The following ERBB4 variants were observed in gnomAD, a reference collection of about 807,000 sequenced individuals.
The protein encoded by ERBB4 is erb-b2 receptor tyrosine kinase 4, also known as receptor tyrosine-protein kinase erbB-4.
ERBB4 carries 42 observed loss-of-function variants against 158.0 expected under a neutral mutation model. The observed-to-expected ratio is 0.27, with a 90% CI of 0.21 to 0.34. The LOEUF (loss-of-function observed/expected upper bound fraction) is 0.34. Among genes scored for constraint, ERBB4 ranks in the 10% least tolerant of loss-of-function variants. The pLI, the probability that ERBB4 is intolerant of heterozygous loss-of-function variation, is 1.00. For synonymous variants in ERBB4, 583 were observed against 558.7 expected (o/e 1.04, Z -0.61); for missense variants, 1,333 against 1,624.1 (o/e 0.82, Z 3.08).
chr2:212,013,987 T>C lies in ERBB4; in HGVS notation c.235-66371A>G, dbSNP rs1281388809. On this transcript the variant is annotated intron_variant, in intron 2 of 27. Transcript: ENST00000342788. ...GCTAACACAGCAACTAAACAAGATA[T>C]TGAATGTGGGGAACAGCATTTTCTT... Among the ~76,000 whole-genome samples, 3 of 152,222 alleles carry C rather than the reference T, an allele frequency of 2.0e-5. No individual in the cohort carries two copies. The East Asian group carries it at 5.8e-4, about 29-fold the overall frequency.
chr2:211,433,182 A>G (rs898695145), intron 20 of ERBB4, among the ~76,000 whole-genome samples: 2 of 152,230 alleles, frequency 1.3e-5, no homozygotes, highest in Admixed American at 6.5e-5. Context: ...ACTGAAAACA[A>G]AAGAAGAGGC....
intron 20 of ERBB4, among the ~76,000 whole-genome samples, chr2:211,530,602 T>C (rs1172988508): frequency 1.3e-5 from 2 of 152,082 alleles, no homozygotes; most frequent in Non-Finnish European, 2.9e-5. Context: ...CAACTTACAC[T>C]ACCAAGGCCA....
At chr2:211,386,777 T>C in intron 27 of ERBB4, 76 bp downstream of exon 27, 1 of 1,495,938 alleles carries the variant, frequency 6.7e-7, no homozygotes, top group Non-Finnish European at 9.3e-7. Context: ...TATCTGGCAA[T>C]TTCTATTCTG....
intron 1 of ERBB4, among the ~76,000 whole-genome samples, chr2:212,538,023 G>C (rs758183370): frequency 1.4e-4 from 22 of 152,156 alleles, no homozygotes; most frequent in Non-Finnish European, 2.4e-4. Context: ...GGCTCGGCTC[G>C]GGAGAGGCCC....
rs376463638 is a variant in ERBB4, at chr2:211,580,837, T to TAATA, written c.2302-18750_2302-18749insTATT. 1.3e-4 allele frequency among the ~76,000 whole-genome samples: 9 copies of TAATA among 69,312 alleles called. 1 individual carries two copies. The highest frequency in any genetic ancestry group is 1.8e-4 in the Non-Finnish European group (7 of 38,660). The allele number at this position is 69,312 out of a possible 152,430, so 45.5% of individuals were successfully genotyped here. A position where few individuals can be genotyped will look rare whatever the true frequency, so the allele number is the denominator to read the frequency against. ...AATATATATATATTATATATATAGATTATATATTATATATATAGTATGCAT... is the reference window on the plus strand; with the variant it reads ...AATATATATATATTATATATATAGATAATATATATATTATATATATAGTATGCAT... On this transcript the variant is annotated intron_variant, in intron 19 of 27. Transcript: ENST00000342788.
At chr2:212,407,043 G>A (rs773215268) in intron 1 of ERBB4, among the ~76,000 whole-genome samples, 18 of 151,820 alleles carry the variant, frequency 1.2e-4, no homozygotes, top group East Asian at 5.8e-4. Context: ...AGCCTTTCCC[G>A]AACCCCACTG....
At chr2:212,446,225 T>G (rs1574933788) in intron 1 of ERBB4, among the ~76,000 whole-genome samples, 1 of 152,104 alleles carries the variant, frequency 6.6e-6, no homozygotes, top group South Asian at 2.1e-4. Context: ...GAGTGTCAAC[T>G]TGATTGGATT....
chr2:211,414,513 AAAAAAAAAAAG>A (rs1360467780), intron 25 of ERBB4, among the ~76,000 whole-genome samples: 33 of 150,714 alleles, frequency 2.2e-4, no homozygotes, highest in Non-Finnish European at 3.5e-4. Flanking sequence ...AAAAAAAAAA[AAAAAAAAAAAG>A]AAAAGAAAAG....
intron 2 of ERBB4, among the ~76,000 whole-genome samples, chr2:212,058,232 T>C (rs1025057938): frequency 6.6e-6 from 1 of 152,140 alleles, no homozygotes; most frequent in Non-Finnish European, 1.5e-5. Flanking sequence ...CTCCCAAGAC[T>C]AAACCAGGAA....
intron 1 of ERBB4, among the ~76,000 whole-genome samples, chr2:212,215,707 A>C (rs1054929218): frequency 5.3e-5 from 8 of 151,386 alleles, no homozygotes; most frequent in African/African-American, 1.7e-4. Context: ...GCTAAAAAAA[A>C]ATCTTGTGAA....
chr2:212,469,846 C>T (rs2106112116), intron 1 of ERBB4, among the ~76,000 whole-genome samples: 2 of 152,188 alleles, frequency 1.3e-5, no homozygotes, highest in South Asian at 4.1e-4. Flanking sequence ...TGGTTTTTGG[C>T]ACATCCTGCA....
chr2:211,487,336 G>A (rs67577312), intron 20 of ERBB4, among the ~76,000 whole-genome samples: 31,416 of 151,304 alleles, frequency 0.21, 3,457 homozygotes, highest in East Asian at 0.3. Context: ...GACTATTTAT[G>A]TACTATGTTA....
At chr2:212,428,050 C>G (rs1172173908) in intron 1 of ERBB4, among the ~76,000 whole-genome samples, 1 of 150,784 alleles carries the variant, frequency 6.6e-6, no homozygotes, top group Non-Finnish European at 1.5e-5. Context: ...GGATCTCAAT[C>G]TCACATAAAT....
At chr2:212,119,365 G>A (rs1161319711) in intron 2 of ERBB4, among the ~76,000 whole-genome samples, 3 of 152,094 alleles carry the variant, frequency 2.0e-5, no homozygotes, top group African/African-American at 7.2e-5. Context: ...TGTAAAAGCT[G>A]GTGGGTCAGG....
intron 1 of ERBB4, among the ~76,000 whole-genome samples, chr2:212,340,189 C>A (rs756830038): frequency 5.9e-5 from 9 of 151,972 alleles, no homozygotes; most frequent in Non-Finnish European, 1.2e-4. Flanking sequence ...TTGAGAGCCA[C>A]CACACCCAGT....
chr2:212,386,405 T>G (rs772941290), intron 1 of ERBB4, among the ~76,000 whole-genome samples: 5 of 151,934 alleles, frequency 3.3e-5, no homozygotes, highest in Non-Finnish European at 5.9e-5. Flanking sequence ...CTTATGTCCT[T>G]AAGACAAACA....
chr2:211,472,618 G>T (rs745542997), intron 20 of ERBB4, among the ~76,000 whole-genome samples: 7 of 151,286 alleles, frequency 4.6e-5, no homozygotes, highest in Non-Finnish European at 8.8e-5. Context: ...GTAATTTAAG[G>T]CTTCTTCATG....
At chr2:212,280,669 A>T (rs758149250) in intron 1 of ERBB4, among the ~76,000 whole-genome samples, 12 of 151,684 alleles carry the variant, frequency 7.9e-5, no homozygotes, top group Non-Finnish European at 1.6e-4. Context: ...TTACAGTTAG[A>T]TAACTTTATT....
chr2:211,458,634 C>CA (rs1388893135), intron 20 of ERBB4, among the ~76,000 whole-genome samples: 1 of 152,108 alleles, frequency 6.6e-6, no homozygotes, highest in East Asian at 1.9e-4. Context: ...ATTCAGATGA[C>CA]AAAAAAATTG....
Sources: allele counts gnomAD v4.1 joint callset (sites outside exome capture counted in the v4.1 genomes callset), GRCh38; gene constraint gnomAD v4.1.1; transcripts MANE v1.5; gene names NCBI Gene and HGNC (gene_info 2026-07-23, HGNC 2026-07-21).